Variants in MAGI1 observed in about 807,000 individuals in gnomAD.
MAGI1 encodes membrane-associated guanylate kinase, WW and PDZ domain-containing protein 1.
Under a neutral mutation model 139.9 loss-of-function variants are expected in MAGI1, and 58 were observed. That is an observed-to-expected ratio of 0.41 (90% CI 0.34 to 0.52). The LOEUF is 0.52. MAGI1 is among the 20% of genes least tolerant of loss of function. MAGI1 has a pLI of 0.12. For synonymous variants in MAGI1, 812 were observed against 737.9 expected, an observed-to-expected ratio of 1.10 and a Z score of -1.63; for missense variants, 1,874 against 1,901.6, an observed-to-expected ratio of 0.99 and a Z score of 0.27.
chr3:65,829,578 T>C (rs1294511733), intron 1 of MAGI1, among the ~76,000 whole-genome samples: 1 of 152,196 alleles, frequency 6.6e-6, no homozygotes, highest in African/African-American at 2.4e-5. Flanking sequence ...GTGTGAGCAA[T>C]AAATTTCTCA....
chr3:65,689,642 C>T (rs2088396591), intron 1 of MAGI1, among the ~76,000 whole-genome samples: 2 of 152,186 alleles, frequency 1.3e-5, no homozygotes, highest in African/African-American at 4.8e-5. Context: ...GTTACATCGT[C>T]TGGAATATTC....
At chr3:65,861,182 G>A (rs2059544229) in intron 1 of MAGI1, among the ~76,000 whole-genome samples, 1 of 152,180 alleles carries the variant, frequency 6.6e-6, no homozygotes, top group Non-Finnish European at 1.5e-5. Flanking sequence ...GAGGCAAGGA[G>A]CCGTATTCCT....
At chr3:65,817,551 T>C (rs758052586) in intron 1 of MAGI1, among the ~76,000 whole-genome samples, 2 of 152,326 alleles carry the variant, frequency 1.3e-5, no homozygotes, top group Non-Finnish European at 2.9e-5. Context: ...CATACTGATA[T>C]ACTTCTTGGT....
rs57644156 is a variant in MAGI1 at position 66,017,459 on chromosome 3, G to A, written c.313+20537C>T. On this transcript the variant is annotated intron_variant, in intron 1 of 22. Coordinates refer to ENST00000402939, the MANE Select transcript of MAGI1 (RefSeq NM_001033057.2). ...GTCACCTACCCTTAATTCACACAAT[G>A]GTACATCACACCCTGAAGGGGATCC... is the stretch of plus-strand genomic sequence containing the variant. Among the ~76,000 whole-genome samples the A allele has an allele frequency of 7.9e-4, 121 of 152,290 alleles. 1 individual carries two copies. The highest frequency in any genetic ancestry group is 2.7e-3 in the African/African-American group (112 of 41,558).
At chr3:65,450,607 G>A (rs146060785) in intron 6 of MAGI1, among the ~76,000 whole-genome samples, 68 of 152,184 alleles carry the variant, frequency 4.5e-4, no homozygotes, top group Admixed American at 7.9e-4. Flanking sequence ...TGAGACAATC[G>A]TTGACATTAT....
intron 2 of MAGI1, among the ~76,000 whole-genome samples, chr3:65,573,015 T>C (rs954313984): frequency 2.0e-5 from 3 of 151,820 alleles, no homozygotes; most frequent in African/African-American, 7.2e-5. Flanking sequence ...GTAAAAAAAA[T>C]GTTATACAGA....
chr3:65,926,381 C>A (rs1367635612), intron 1 of MAGI1, among the ~76,000 whole-genome samples: 3 of 150,504 alleles, frequency 2.0e-5, no homozygotes, highest in Non-Finnish European at 4.4e-5. Context: ...CTCTTTCCCT[C>A]CCTACACCTC....
intron 1 of MAGI1, among the ~76,000 whole-genome samples, chr3:66,009,537 A>C (rs559323366): frequency 6.6e-6 from 1 of 152,172 alleles, no homozygotes; most frequent in East Asian, 1.9e-4. Flanking sequence ...GGAATATCTG[A>C]ATTCAAGACC....
intron 12 of MAGI1, among the ~76,000 whole-genome samples, chr3:65,419,118 T>C (rs911524596): frequency 6.6e-6 from 1 of 152,150 alleles, no homozygotes; most frequent in Non-Finnish European, 1.5e-5. Context: ...TTTCCCTCAG[T>C]AATCTCATTC....
intron 1 of MAGI1, among the ~76,000 whole-genome samples, chr3:65,878,346 G>A (rs1009419519): frequency 4.6e-5 from 7 of 151,918 alleles, no homozygotes; most frequent in Non-Finnish European, 8.8e-5. Context: ...GTGAAACCTC[G>A]TCTCGACAGA....
At chr3:65,427,885 A>G (rs373635065) in intron 12 of MAGI1, among the ~76,000 whole-genome samples, 5 of 152,200 alleles carry the variant, frequency 3.3e-5, no homozygotes, top group African/African-American at 4.8e-5. Context: ...GTCATTTCCT[A>G]CTACATACAT....
intron 2 of MAGI1, among the ~76,000 whole-genome samples, chr3:65,568,453 G>A (rs559092025): frequency 6.6e-6 from 1 of 152,130 alleles, no homozygotes; most frequent in Non-Finnish European, 1.5e-5. Flanking sequence ...TCAACTTGGT[G>A]AAACAGTGAG....
Position 65,947,562 on chromosome 3 carries a change from G to A in MAGI1, c.313+90434C>T, listed in dbSNP as rs146228789. On this transcript the variant is annotated intron_variant, in intron 1 of 22. Coordinates refer to ENST00000402939, the MANE Select transcript of MAGI1 (RefSeq NM_001033057.2). ...AATTTACACTAATTATAAATTGTAC[G>A]TTTCTGATTAACTGTTGAGGCTTTC... Among the ~76,000 whole-genome samples, 501 of 152,206 alleles carry A rather than the reference G, an allele frequency of 3.3e-3. 5 individuals are homozygous for A. Among genetic ancestry groups the A allele is most frequent in the African/African-American group, 0.011 (471 of 41,560 alleles).
chr3:65,731,322 G>A (rs1216064924), intron 1 of MAGI1, among the ~76,000 whole-genome samples: 1 of 151,976 alleles, frequency 6.6e-6, no homozygotes, highest in Non-Finnish European at 1.5e-5. Context: ...CTTAAAACTT[G>A]GCTCCAGTCG....
At chr3:65,363,377 T>TATGAAC in intron 21 of MAGI1, 88 bp downstream of exon 21, 1 of 1,426,498 alleles carries the variant, frequency 7.0e-7, no homozygotes, top group South Asian at 1.5e-5. Context: ...ATGTAGTTCT[T>TATGAAC]ATGAACATGA....
intron 1 of MAGI1, among the ~76,000 whole-genome samples, chr3:65,828,036 G>A (rs184881198): frequency 9.2e-4 from 140 of 152,308 alleles, no homozygotes; most frequent in African/African-American, 2.9e-3. Flanking sequence ...TTCAACTAGA[G>A]TTGATTTTAT....
At chr3:65,377,321 T>C (rs1323528989) in intron 17 of MAGI1, among the ~76,000 whole-genome samples, 1 of 152,226 alleles carries the variant, frequency 6.6e-6, no homozygotes, top group Non-Finnish European at 1.5e-5. Context: ...TAAGTTTAGT[T>C]GATCTCCAAG....
intron 1 of MAGI1, among the ~76,000 whole-genome samples, chr3:65,667,930 G>C (rs1422484277): frequency 6.6e-6 from 1 of 152,142 alleles, no homozygotes; most frequent in Non-Finnish European, 1.5e-5. Flanking sequence ...CAGTGCAAGG[G>C]ATTTTCATCA....
At chr3:65,977,856 C>G (rs1203530860) in intron 1 of MAGI1, among the ~76,000 whole-genome samples, 1 of 152,156 alleles carries the variant, frequency 6.6e-6, no homozygotes, top group Non-Finnish European at 1.5e-5. Flanking sequence ...TTTGCCGCCT[C>G]GGTGAATTGT....
Sources: gnomAD v4.1 joint callset for allele counts (sites outside exome capture counted in the v4.1 genomes callset) on GRCh38, gnomAD v4.1.1 for gene constraint, MANE v1.5 for transcripts, NCBI Gene and HGNC (gene_info 2026-07-23, HGNC 2026-07-21) for gene names.